Variants in RANBP3 observed in about 807,000 individuals in gnomAD.
RANBP3 encodes ran-binding protein 3.
In RANBP3, 14 loss-of-function variants were observed where a neutral mutation model predicts 77.3. That is an observed-to-expected ratio of 0.18 (90% CI 0.12 to 0.28). RANBP3 has a LOEUF of 0.28. Ranked by LOEUF, RANBP3 falls within the 10% of genes least tolerant of loss-of-function variation. The pLI, the probability that RANBP3 is intolerant of heterozygous loss-of-function variation, is 1.00. For synonymous variants in RANBP3, 315 were observed against 312.4 expected, an observed-to-expected ratio of 1.01 and a Z score of -0.09; for missense variants, 586 against 752.3, an observed-to-expected ratio of 0.78 and a Z score of 2.59.
chr19:5,973,764 T>C (rs1390876292), intron 1 of RANBP3, among the ~76,000 whole-genome samples: 1 of 152,220 alleles, frequency 6.6e-6, no homozygotes, highest in Admixed American at 6.5e-5. Context: ...TGAGTGTTTA[T>C]TACTATGAGC....
chr19:5,923,527 C>T (rs1207008697), intron 12 of RANBP3, among the ~76,000 whole-genome samples: 3 of 152,280 alleles, frequency 2.0e-5, no homozygotes, highest in East Asian at 1.9e-4. Context: ...CCCAGACTCT[C>T]GTGTTCGTGC....
At chr19:5,963,865 C>A (rs2145239776) in intron 1 of RANBP3, among the ~76,000 whole-genome samples, 1 of 152,344 alleles carries the variant, frequency 6.6e-6, no homozygotes, top group Non-Finnish European at 1.5e-5. Context: ...CTCGTCCCAT[C>A]TAGCATCCTC....
At chr19:5,968,117 C>A (rs2058489898) in intron 1 of RANBP3, among the ~76,000 whole-genome samples, 1 of 152,198 alleles carries the variant, frequency 6.6e-6, no homozygotes, top group Admixed American at 6.5e-5. Context: ...TGGTGTGACA[C>A]CAACACAGCT....
At position 5,924,216 on chromosome 19, in the gene RANBP3, G is replaced by A. The variant is rs921346465; in HGVS notation, c.997-302C>T. ...GCGTGGCCACGAAGGAAGAGAAGCT[G>A]CAGAGTACTTAATGCAGCCTAACTC... On this transcript the variant is annotated intron_variant, in intron 11 of 16. Transcript: ENST00000340578. This position sits in a 1 kb window ranked among gnomAD's most constrained non-coding sequence, Gnocchi z 4.7. Among the ~76,000 whole-genome samples, 5 of 152,258 alleles carry A rather than the reference G, an allele frequency of 3.3e-5. No homozygotes were observed. The highest frequency in any genetic ancestry group is 1.2e-4 in the African/African-American group (5 of 41,468).
Position 5,921,052 on chromosome 19 carries a change from G to C in RANBP3, c.1330+149C>G, listed in dbSNP as rs891594597. 19 of 985,610 alleles carry C rather than the reference G, an allele frequency of 1.9e-5. No homozygotes were observed. The African/African-American group carries it at 2.8e-4, about 15-fold the overall frequency. 61.1% of individuals were successfully genotyped at this position (985,610 alleles called of 1,614,324 possible). A position where few individuals can be genotyped will look rare whatever the true frequency, so the allele number is the denominator to read the frequency against. ...GGGCTGGGTGCAGGGAGGGGGTTTG[G>C]GGGGCGGCTCTCATGGGAGACCGAC... On this transcript the variant is annotated intron_variant, in intron 14 of 16. Transcript: ENST00000340578. The surrounding 1 kb of genome is among the most constrained non-coding windows in gnomAD (Gnocchi z 5.3).
intron 13 of RANBP3, among the ~76,000 whole-genome samples, chr19:5,922,822 C>T (rs1224055172): frequency 6.6e-6 from 1 of 152,160 alleles, no homozygotes; most frequent in African/African-American, 2.4e-5. Flanking sequence ...CACCTGTAAT[C>T]CCAGCTACTC....
At chr19:5,918,035 C>T in intron 15 of RANBP3, 55 bp from the exon 16 acceptor site, 2 of 1,510,060 alleles carry the variant, frequency 1.3e-6, no homozygotes, top group Non-Finnish European at 8.9e-7. Context: ...CCCCTCCTGC[C>T]TTCTGCAGAA....
intron 2 of RANBP3, among the ~76,000 whole-genome samples, chr19:5,955,970 G>A (rs1423828472): frequency 1.3e-5 from 2 of 151,992 alleles, no homozygotes; most frequent in Non-Finnish European, 2.9e-5. Context: ...TTAGCCAGGT[G>A]TGGTGGTGGT....
At chr19:5,957,714 C>A (rs1337603326) in intron 2 of RANBP3, among the ~76,000 whole-genome samples, 1 of 152,116 alleles carries the variant, frequency 6.6e-6, no homozygotes. Flanking sequence ...CCACAACAGA[C>A]CCATCCTAAC....
intron 3 of RANBP3, among the ~76,000 whole-genome samples, chr19:5,943,972 G>A (rs1034093444): frequency 2.0e-5 from 3 of 152,126 alleles, no homozygotes; most frequent in Non-Finnish European, 4.4e-5. Flanking sequence ...CTTGAAGGCC[G>A]GAAGAACTCA....
At chr19:5,963,488 C>A (rs539276273) in intron 1 of RANBP3, among the ~76,000 whole-genome samples, 1 of 152,300 alleles carries the variant, frequency 6.6e-6, no homozygotes, top group South Asian at 2.1e-4. Context: ...GAGTTAGAGG[C>A]TGCAGTGAGC....
intron 1 of RANBP3, among the ~76,000 whole-genome samples, chr19:5,972,000 A>G (rs1034852832): frequency 6.6e-6 from 1 of 152,238 alleles, no homozygotes; most frequent in Non-Finnish European, 1.5e-5. Flanking sequence ...TTTCTGAGAG[A>G]AATCAGAAAT....
intron 14 of RANBP3, among the ~76,000 whole-genome samples, chr19:5,919,367 G>C (rs545303270): frequency 6.6e-6 from 1 of 152,260 alleles, no homozygotes; most frequent in Non-Finnish European, 1.5e-5. Context: ...TCAGAAACTT[G>C]TCCCCCTGCC....
chr19:5,947,910 T>C (rs936438842), intron 3 of RANBP3, among the ~76,000 whole-genome samples: 4 of 152,158 alleles, frequency 2.6e-5, no homozygotes, highest in Non-Finnish European at 5.9e-5. Context: ...AGCTTGTTCT[T>C]TGCCTAAGGA....
chr19:5,934,361 T>G (rs566687125), intron 5 of RANBP3: 1 of 152,368 alleles, frequency 6.6e-6, no homozygotes, highest in East Asian at 1.9e-4. Flanking sequence ...GCCCTGCGTT[T>G]GTGCTAAGCT....
chr19:5,953,912 G>A (rs953920912), intron 2 of RANBP3, among the ~76,000 whole-genome samples: 1 of 152,142 alleles, frequency 6.6e-6, no homozygotes, highest in East Asian at 1.9e-4. Context: ...ATCCTGGAAC[G>A]ATAGGATTTG....
At chr19:5,967,993 G>A (rs976242300) in intron 1 of RANBP3, among the ~76,000 whole-genome samples, 1 of 152,128 alleles carries the variant, frequency 6.6e-6, no homozygotes, top group African/African-American at 2.4e-5. Flanking sequence ...CTCCAGCCTG[G>A]GCGACAGAGT....
intron 9 of RANBP3, among the ~76,000 whole-genome samples, chr19:5,927,049 T>C (rs747860694): frequency 2.6e-5 from 4 of 152,048 alleles, no homozygotes; most frequent in Non-Finnish European, 4.4e-5. Context: ...CCTCCAGAAG[T>C]ACCTCCCAGT....
intron 5 of RANBP3, among the ~76,000 whole-genome samples, chr19:5,937,055 C>CAAAA (rs1568458812): frequency 1.4e-4 from 1 of 7,154 alleles, no homozygotes; most frequent in Non-Finnish European, 2.3e-4. Context: ...GACTCTGTCT[C>CAAAA]CAAAAAAAAA....
Sources: gnomAD v4.1 joint callset for allele counts (sites outside exome capture counted in the v4.1 genomes callset) on GRCh38, gnomAD v4.1.1 for gene constraint, Gnocchi (gnomAD v3.1) non-coding constraint, MANE v1.5 for transcripts, NCBI Gene and HGNC (gene_info 2026-07-23, HGNC 2026-07-21) for gene names.